The following TMEM108 variants were observed in gnomAD, a reference collection of about 807,000 sequenced individuals.
The protein encoded by TMEM108 is cancer/testis antigen 124.
Under a neutral mutation model 35.1 loss-of-function variants are expected in TMEM108, and 12 were observed. The ratio of observed to expected loss-of-function variants is 0.34; its 90% CI spans 0.22 to 0.55. The LOEUF is 0.55. TMEM108 is among the 20% of genes least tolerant of loss of function. The pLI is 0.89. For missense variants in TMEM108, 680 were observed against 753.3 expected, an observed-to-expected ratio of 0.90 and a Z score of 1.14; for synonymous variants, 287 against 308.6, an observed-to-expected ratio of 0.93 and a Z score of 0.73.
At chr3:133,395,785 C>G in intron 5 of TMEM108, 79 bp from the exon 6 acceptor site, 1 of 1,368,660 alleles carries the variant, frequency 7.3e-7, no homozygotes, top group Non-Finnish European at 9.6e-7. Context: ...ATAAATGTTC[C>G]CATGTGTACA....
intron 2 of TMEM108, among the ~76,000 whole-genome samples, chr3:133,084,490 A>G (rs1404742821): frequency 6.6e-6 from 1 of 152,204 alleles, no homozygotes; most frequent in African/African-American, 2.4e-5. Context: ...AAGATAGTTC[A>G]TAGGAGAAAA....
chr3:133,385,775 C>T (rs1382737043), intron 4 of TMEM108, among the ~76,000 whole-genome samples: 1 of 152,228 alleles, frequency 6.6e-6, no homozygotes, highest in Non-Finnish European at 1.5e-5. Context: ...CAGCTCTTAA[C>T]ATTTGTTGGC....
chr3:133,396,374 T>C lies in TMEM108; in HGVS notation c.*388T>C, dbSNP rs1212102418. The stretch of plus-strand genomic sequence containing the variant: ...TGATTCTTAAAGCTCTGGTTCCTCT[T>C]GATTTGGTGTGACCCCATTTCCTCC... On this transcript the variant is annotated 3_prime_UTR_variant, in exon 6 of 6. Coordinates refer to ENST00000321871, the MANE Select transcript of TMEM108 (RefSeq NM_023943.4). The C allele has an allele frequency of 6.5e-6, 1 of 153,550 alleles. No individual in the cohort carries two copies. The highest frequency in any genetic ancestry group is 2.4e-5 in the African/African-American group (1 of 41,454). 9.5% of individuals were successfully genotyped at this position (153,550 alleles called of 1,614,324 possible).
intron 2 of TMEM108, among the ~76,000 whole-genome samples, chr3:133,127,137 G>C (rs568833526): frequency 6.6e-6 from 1 of 152,086 alleles, no homozygotes; most frequent in Non-Finnish European, 1.5e-5. Flanking sequence ...TCTGTACTTA[G>C]ATTAAAACTT....
At chr3:133,073,839 A>G (rs1337369004) in intron 2 of TMEM108, among the ~76,000 whole-genome samples, 2 of 151,966 alleles carry the variant, frequency 1.3e-5, no homozygotes, top group Admixed American at 6.6e-5. Flanking sequence ...TCTTTTTGAT[A>G]ATATTCATTC....
intron 3 of TMEM108, among the ~76,000 whole-genome samples, chr3:133,368,176 G>T (rs1458247317): frequency 9.3e-6 from 1 of 107,138 alleles, no homozygotes; most frequent in Non-Finnish European, 2.0e-5. Context: ...CAGTGCACTG[G>T]GTTTATAGGA....
chr3:133,247,866 A>T (rs1946409946), intron 3 of TMEM108: 1 of 152,198 alleles, frequency 6.6e-6, no homozygotes, highest in Non-Finnish European at 1.5e-5. Flanking sequence ...CTGTGGTACA[A>T]ATGCAGTCTC....
At chr3:133,206,736 C>T (rs748925875) in intron 2 of TMEM108, among the ~76,000 whole-genome samples, 39 of 152,190 alleles carry the variant, frequency 2.6e-4, no homozygotes, top group Admixed American at 1.3e-3. Context: ...AGGTGTCTGT[C>T]GACCCCTGCT....
intron 3 of TMEM108, among the ~76,000 whole-genome samples, chr3:133,236,278 T>C (rs1946236124): frequency 6.6e-6 from 1 of 152,076 alleles, no homozygotes; most frequent in African/African-American, 2.4e-5. Flanking sequence ...AAAGTAATTT[T>C]TTGTTCAACT....
chr3:133,154,925 A>G (rs1001669338), intron 2 of TMEM108, among the ~76,000 whole-genome samples: 8 of 152,164 alleles, frequency 5.3e-5, no homozygotes, highest in Non-Finnish European at 4.4e-5. Flanking sequence ...CAGGTTTGTT[A>G]TATAAGTAAA....
intron 4 of TMEM108, chr3:133,388,541 A>C: frequency 1.0e-6 from 1 of 985,422 alleles, no homozygotes; most frequent in Non-Finnish European, 1.2e-6. Context: ...GTACCAGCTA[A>C]TCTCTCAAAT....
At chr3:133,351,085 G>A (rs955652380) in intron 3 of TMEM108, among the ~76,000 whole-genome samples, 3 of 152,142 alleles carry the variant, frequency 2.0e-5, no homozygotes, top group African/African-American at 4.8e-5. Context: ...GGTATAGGTG[G>A]GAGAAGAAAA....
intron 3 of TMEM108, among the ~76,000 whole-genome samples, chr3:133,273,491 A>G (rs1380462877): frequency 6.6e-6 from 1 of 152,140 alleles, no homozygotes; most frequent in Non-Finnish European, 1.5e-5. Context: ...CTCTCCCCAC[A>G]GTAAGTACTC....
At chr3:133,308,567 T>C (rs1459431398) in intron 3 of TMEM108, among the ~76,000 whole-genome samples, 2 of 151,792 alleles carry the variant, frequency 1.3e-5, no homozygotes, top group Admixed American at 1.3e-4. Context: ...GTTTTTAGTA[T>C]GAAGGGCTGT....
intron 1 of TMEM108, among the ~76,000 whole-genome samples, chr3:133,043,312 A>G (rs2107669698): frequency 6.6e-6 from 1 of 152,316 alleles, no homozygotes. Context: ...TGGCACACAC[A>G]CACAAAATAG....
chr3:133,253,284 C>T (rs1946497388), intron 3 of TMEM108: 1 of 152,148 alleles, frequency 6.6e-6, no homozygotes, highest in Admixed American at 6.5e-5. Context: ...CTAATACTGG[C>T]TCTCCTACCA....
In TMEM108 at chr3:133,373,100, C is replaced by T. The variant is rs144602843; in HGVS notation, c.41-6652C>T. ...AAAGAACACTGGCCAGGCACAGTGG[C>T]TCACGCCTGTAATCCCAAAATTCTG... On this transcript the variant is annotated intron_variant, in intron 3 of 5. Coordinates refer to ENST00000321871, the MANE Select transcript of TMEM108 (RefSeq NM_023943.4). 2.8e-3 allele frequency among the ~76,000 whole-genome samples: 427 copies of T among 152,288 alleles called. 17 individuals carry two copies. The East Asian group carries it at 0.069, about 25-fold the overall frequency.
intron 3 of TMEM108, among the ~76,000 whole-genome samples, chr3:133,260,769 TC>T (rs1382556278): frequency 6.6e-6 from 1 of 152,168 alleles, no homozygotes; most frequent in Non-Finnish European, 1.5e-5. Context: ...AAGCAGTGTT[TC>T]CAGTTAGGAG....
intron 2 of TMEM108, among the ~76,000 whole-genome samples, chr3:133,131,528 A>C (rs1198088528): frequency 6.7e-6 from 1 of 149,810 alleles, no homozygotes; most frequent in Admixed American, 6.7e-5. Context: ...GTTTTAGGGC[A>C]CTGTGAACCA....
Sources: allele counts gnomAD v4.1 joint callset (sites outside exome capture counted in the v4.1 genomes callset), GRCh38; gene constraint gnomAD v4.1.1; transcripts MANE v1.5; gene names NCBI Gene and HGNC (gene_info 2026-07-23, HGNC 2026-07-21).